The following RAPGEF5 variants were observed in gnomAD, a reference collection of about 807,000 sequenced individuals.
The protein encoded by RAPGEF5 is M-Ras-regulated GEF.
RAPGEF5 carries 65 observed loss-of-function variants against 125.2 expected under a neutral mutation model. The observed-to-expected ratio is 0.52, with a 90% CI of 0.43 to 0.64. The LOEUF (loss-of-function observed/expected upper bound fraction) is 0.64, where lower values mean the gene tolerates loss of function less well. Ranked by LOEUF, RAPGEF5 falls within the 30% of genes least tolerant of loss-of-function variation. RAPGEF5 has a pLI of 0.00. For missense variants in RAPGEF5, 958 were observed against 1,048.1 expected, an observed-to-expected ratio of 0.91 and a Z score of 1.19; for synonymous variants, 391 against 385.9, an observed-to-expected ratio of 1.01 and a Z score of -0.16.
chr7:22,249,458 G>C (rs1158628973), intron 7 of RAPGEF5, among the ~76,000 whole-genome samples: 2 of 152,048 alleles, frequency 1.3e-5, no homozygotes, highest in Non-Finnish European at 2.9e-5. Context: ...CCAAAGTGCT[G>C]GGATTATAGG....
intron 11 of RAPGEF5, among the ~76,000 whole-genome samples, chr7:22,173,883 T>C (rs771381549): frequency 2.6e-5 from 4 of 152,130 alleles, no homozygotes; most frequent in Admixed American, 6.5e-5. Context: ...CTAGGTACAA[T>C]TGCAGCCCAT....
At chr7:22,199,052 G>A (rs569145194) in intron 9 of RAPGEF5, among the ~76,000 whole-genome samples, 1 of 152,196 alleles carries the variant, frequency 6.6e-6, no homozygotes, top group African/African-American at 2.4e-5. Flanking sequence ...GCAATCTGTT[G>A]GTTGGTCAGG....
chr7:22,201,963 T>C (rs1785288205), intron 9 of RAPGEF5, among the ~76,000 whole-genome samples: 1 of 152,170 alleles, frequency 6.6e-6, no homozygotes, highest in East Asian at 1.9e-4. Context: ...GTTAAATGAA[T>C]GCATGGCCTG....
At chr7:22,331,756 A>AAG (rs1240922518) in intron 1 of RAPGEF5, among the ~76,000 whole-genome samples, 3 of 151,394 alleles carry the variant, frequency 2.0e-5, no homozygotes, top group African/African-American at 7.3e-5. Context: ...AAAAAAAAAA[A>AAG]AAAAAGAAAA....
chr7:22,322,490 A>C (rs367610049), intron 1 of RAPGEF5, among the ~76,000 whole-genome samples: 1 of 152,088 alleles, frequency 6.6e-6, no homozygotes, highest in African/African-American at 2.4e-5. Flanking sequence ...AATACTTGAA[A>C]AACTATGAGG....
At chr7:22,260,096 A>T (rs1485906728) in intron 7 of RAPGEF5, among the ~76,000 whole-genome samples, 1 of 152,188 alleles carries the variant, frequency 6.6e-6, no homozygotes, top group African/African-American at 2.4e-5. Context: ...TCTCAAAAAA[A>T]AAAAAAATTA....
chr7:22,208,966 A>G (rs930280149), intron 9 of RAPGEF5, among the ~76,000 whole-genome samples: 1 of 152,208 alleles, frequency 6.6e-6, no homozygotes, highest in African/African-American at 2.4e-5. Flanking sequence ...AGCCACTCTG[A>G]TCATTATTAA....
intron 6 of RAPGEF5, among the ~76,000 whole-genome samples, chr7:22,284,067 CTG>C (rs1554273151): frequency 1.2e-4 from 18 of 149,556 alleles, no homozygotes; most frequent in African/African-American, 2.0e-4. Context: ...TTTTAAAAAG[CTG>C]TGTGTGTGTG....
At chr7:22,227,876 G>T (rs537320083) in intron 8 of RAPGEF5, among the ~76,000 whole-genome samples, 3 of 152,258 alleles carry the variant, frequency 2.0e-5, no homozygotes, top group East Asian at 3.9e-4. Context: ...ACTAATTAAA[G>T]ATCTCATTAG....
At chr7:22,212,842 C>T (rs962610814) in intron 9 of RAPGEF5, among the ~76,000 whole-genome samples, 2 of 152,134 alleles carry the variant, frequency 1.3e-5, no homozygotes, top group Non-Finnish European at 1.5e-5. Context: ...AGATATACCA[C>T]TGGGGGAGGA....
chr7:22,240,233 T>C (rs1786295061), intron 7 of RAPGEF5, among the ~76,000 whole-genome samples: 2 of 150,966 alleles, frequency 1.3e-5, no homozygotes, highest in South Asian at 4.2e-4. Flanking sequence ...AAAAAAGTTT[T>C]CTTTTAATGC....
chr7:22,344,899 C>A (rs1054846346), intron 1 of RAPGEF5, among the ~76,000 whole-genome samples: 1 of 152,252 alleles, frequency 6.6e-6, no homozygotes, highest in South Asian at 2.1e-4. Context: ...AACAGCCAGG[C>A]ATACTCCTGA....
intron 6 of RAPGEF5, among the ~76,000 whole-genome samples, chr7:22,290,563 G>A (rs950242110): frequency 1.3e-5 from 2 of 151,936 alleles, no homozygotes; most frequent in Non-Finnish European, 2.9e-5. Context: ...GGCTAAAACG[G>A]TGAAACCCCG....
At chr7:22,257,303 A>G (rs1376461266) in intron 7 of RAPGEF5, among the ~76,000 whole-genome samples, 1 of 152,242 alleles carries the variant, frequency 6.6e-6, no homozygotes, top group African/African-American at 2.4e-5. Flanking sequence ...TAAGAAGCAT[A>G]CATAGAAAAC....
At chr7:22,247,776 AT>A (rs1786516489) in intron 7 of RAPGEF5, among the ~76,000 whole-genome samples, 5 of 152,196 alleles carry the variant, frequency 3.3e-5, no homozygotes, top group African/African-American at 1.2e-4. Flanking sequence ...CATATATACC[AT>A]GAAATACTAT....
chr7:22,126,473 CCTA>C (rs1458411036), intron 24 of RAPGEF5, among the ~76,000 whole-genome samples: 3 of 152,128 alleles, frequency 2.0e-5, no homozygotes, highest in African/African-American at 2.4e-5. Context: ...ATGTGCAGAG[CCTA>C]CTATGTCAGA....
intron 1 of RAPGEF5, among the ~76,000 whole-genome samples, chr7:22,343,793 G>A (rs1562538756): frequency 6.6e-6 from 1 of 152,074 alleles, no homozygotes; most frequent in Non-Finnish European, 1.5e-5. Context: ...GTTTTGGCAG[G>A]CATTTCAGAA....
chr7:22,129,929 A>G (rs1441740951), intron 24 of RAPGEF5, among the ~76,000 whole-genome samples: 1 of 152,092 alleles, frequency 6.6e-6, no homozygotes, highest in Non-Finnish European at 1.5e-5. Flanking sequence ...TTGGCTGGGT[A>G]AGCAGAGCAA....
rs185488702 is a variant in RAPGEF5 at position 22,332,037 on chromosome 7, C to T, written c.232-14000G>A. Among the ~76,000 whole-genome samples the T allele has an allele frequency of 4.0e-3, 610 of 152,182 alleles. 1 individual carries two copies. The highest frequency in any genetic ancestry group is 6.4e-3 in the Non-Finnish European group (434 of 68,000). On this transcript the variant is annotated intron_variant, in intron 1 of 25. Coordinates refer to ENST00000665637, the MANE Select transcript of RAPGEF5 (RefSeq NM_012294.5). ...AGATTGGTTGCACAACATGAATGTA[C>T]TTAACAATACTTAACTGTACACTGA...
Sources: gnomAD v4.1 joint callset for allele counts (sites outside exome capture counted in the v4.1 genomes callset) on GRCh38, gnomAD v4.1.1 for gene constraint, MANE v1.5 for transcripts, NCBI Gene and HGNC (gene_info 2026-07-23, HGNC 2026-07-21) for gene names.